Variants in TDRD6 observed in about 807,000 individuals in gnomAD.
TDRD6 encodes the protein tudor domain containing 6.
A neutral mutation model predicts 157.5 loss-of-function variants in TDRD6; 186 were observed. The observed-to-expected ratio is 1.18, with a 90% CI of 1.05 to 1.33. TDRD6 has a LOEUF of 1.33. Ranked by LOEUF, TDRD6 falls within the 40% of genes most tolerant of loss-of-function variation. TDRD6 has a pLI of 0.00. For missense variants in TDRD6, 3,066 were observed against 2,508.0 expected, an observed-to-expected ratio of 1.22 and a Z score of -4.75; for synonymous variants, 1,075 against 945.2, an observed-to-expected ratio of 1.14 and a Z score of -2.52.
At chr6:46,698,159 T>G (rs1764542610) in intron 3 of TDRD6, 72 bp downstream of exon 3, 1 of 1,151,624 alleles carries the variant, frequency 8.7e-7, no homozygotes, top group South Asian at 1.5e-5. Flanking sequence ...AACAAACTAT[T>G]TCCAAAGTCC....
At chr6:46,698,339 T>C (rs1466444202) in intron 3 of TDRD6, among the ~76,000 whole-genome samples, 1 of 152,152 alleles carries the variant, frequency 6.6e-6, no homozygotes, top group Non-Finnish European at 1.5e-5. Flanking sequence ...ATAAAATACA[T>C]ATTAGATGCA....
Position 46,688,773 on chromosome 6 carries a change from G to T in TDRD6, c.645G>T (p.Ala215=). 1 of 1,607,544 alleles carries T rather than the reference G, an allele frequency of 6.2e-7. No homozygotes were observed. The highest frequency in any genetic ancestry group is 8.5e-7 in the Non-Finnish European group (1 of 1,179,912). Residue 215 remains alanine (A), a synonymous_variant, in exon 1 of 4, where the codon GCG becomes GCT. Transcript: ENST00000316081. ...FRSLLERYLT[A]ATASVGSGVP... is the part of the protein sequence containing the mutation. The stretch of plus-strand genomic sequence containing the variant: ...CGCTGCTGGAGCGCTATCTCACAGC[G>T]GCCACTGCTAGCGTGGGCTCCGGGG...
intron 1 of TDRD6, among the ~76,000 whole-genome samples, chr6:46,695,437 T>G (rs913202823): frequency 9.9e-5 from 15 of 152,170 alleles, no homozygotes; most frequent in Admixed American, 9.8e-4. Context: ...TATTTAATAA[T>G]AGTATTAACT....
chr6:46,682,424 G>A, the TDRD6 span, among the ~76,000 whole-genome samples: 1 of 151,898 alleles, frequency 6.6e-6, no homozygotes, highest in Non-Finnish European at 1.5e-5. Context: ...CCTTAAATCA[G>A]GAACAAGGCA....
rs150300048 is a variant in TDRD6 at position 46,689,577 on chromosome 6, A to G, written c.1449A>G (p.Leu483=). The G allele has an allele frequency of 2.6e-4, 415 of 1,614,198 alleles. No individual in the cohort carries two copies. Among genetic ancestry groups the G allele is most frequent in the Non-Finnish European group, 3.3e-4 (385 of 1,180,046 alleles). ...TCCCAGCCTTAAGATCTATCAGGTTAAAGATGAATGCCTTCTACGATGCGC... is the reference window on the plus strand; with the variant it reads ...TCCCAGCCTTAAGATCTATCAGGTTGAAGATGAATGCCTTCTACGATGCGC... ...ISLPALRSIR[L]KMNAFYDAQV... Residue 483 remains leucine (L), a synonymous_variant, in exon 1 of 4, where the codon TTA becomes TTG. Coordinates refer to ENST00000316081, the MANE Select transcript of TDRD6 (RefSeq NM_001010870.3).
chr6:46,699,449 C>T (rs1290515923), intron 3 of TDRD6, among the ~76,000 whole-genome samples: 1 of 152,124 alleles, frequency 6.6e-6, no homozygotes, highest in Non-Finnish European at 1.5e-5. Context: ...GTTAGCCACC[C>T]TCAGGGCAGG....
intron 3 of TDRD6, 25 bp downstream of exon 3, chr6:46,698,112 TAGTG>T: frequency 2.0e-6 from 3 of 1,467,152 alleles, no homozygotes; most frequent in Non-Finnish European, 1.9e-6. Context: ...AAATAGTAAT[TAGTG>T]AGAGCATTGT....
Position 46,688,948 on chromosome 6 carries a change from C to T in TDRD6, c.820C>T (p.Gln274Ter). Residue 274 changes from glutamine to a stop codon, truncating the protein, a stop_gained, in exon 1 of 4, where the codon CAG (glutamine) becomes TAG (stop). Transcript: ENST00000316081. LOFTEE classifies it high-confidence loss of function. ...TCACTGCCAGCTCCGCAGCGTCTCG[C>T]AGGAGATCCACCGCCTCTCCGAGAG... The part of the protein sequence containing the change: ...RIHCQLRSVS[Q>*]EIHRLSESMA... 6.2e-7 allele frequency: 1 copy of T among 1,612,330 alleles called. No homozygotes were observed. The highest frequency in any genetic ancestry group is 8.5e-7 in the Non-Finnish European group (1 of 1,178,984).
Position 46,691,846 on chromosome 6 carries a change from C to A in TDRD6, c.3718C>A (p.Gln1240Lys). 1 of 1,600,060 alleles carries A rather than the reference C, an allele frequency of 6.2e-7. No individual in the cohort carries two copies. The highest frequency in any genetic ancestry group is 1.1e-5 in the South Asian group (1 of 88,280). ...AAAAACAAACTTAGTCACTCAATATCAAGACTCTGTGGGAAATAAAAATAG... is the reference window on the plus strand; with the variant it reads ...AAAAACAAACTTAGTCACTCAATATAAAGACTCTGTGGGAAATAAAAATAG... The part of the protein sequence containing the change: ...LTKTNLVTQY[Q>K]DSVGNKNSQV... Residue 1240 changes from glutamine to lysine, a missense_variant, in exon 1 of 4, where the codon CAA becomes AAA. Physicochemically the swap from Gln to Lys is moderately conservative, Grantham distance 53. Coordinates refer to ENST00000316081, the MANE Select transcript of TDRD6 (RefSeq NM_001010870.3).
In TDRD6 at chr6:46,693,023, T is replaced by C. The variant is rs1350621294; in HGVS notation, c.4895T>C (p.Phe1632Ser). The change falls in exon 1 of 4, where the codon TTT becomes TCT. Residue 1632 changes from phenylalanine (F) to serine (S), a missense_variant. Physicochemically the swap from Phe to Ser is radical, Grantham distance 155 (BLOSUM62 -2). Coordinates refer to ENST00000316081, the MANE Select transcript of TDRD6 (RefSeq NM_001010870.3). ...SELLSVPMQA[F>S]PCCLSGFNIS... ...CTTCTGTCGGTTCCCATGCAAGCCT[T>C]TCCATGTTGCCTCTCAGGGTTTAAC... 5.0e-6 allele frequency: 8 copies of C among 1,613,512 alleles called. No homozygotes were observed. The highest frequency in any genetic ancestry group is 6.8e-6 in the Non-Finnish European group (8 of 1,179,740).
Position 46,688,397 on chromosome 6 carries a change from A to C in TDRD6, c.269A>C (p.Gln90Pro). The C allele has an allele frequency of 6.5e-7, 1 of 1,537,524 alleles. No homozygotes were observed. The highest frequency in any genetic ancestry group is 8.7e-7 in the Non-Finnish European group (1 of 1,145,382). ...LWHRCRVVSR[Q>P]AQESRVFLLD... ...CACCGCTGCCGCGTGGTCAGCCGGC[A>C]GGCACAGGAGAGCCGTGTCTTCCTG... Residue 90 changes from glutamine to proline, a missense_variant, in exon 1 of 4, where the codon CAG (glutamine) becomes CCG (proline). Gln to Pro is a moderately conservative substitution (Grantham distance 76). Transcript: ENST00000316081.
rs1764247249 is a variant in TDRD6 at position 46,689,715 on chromosome 6, G to T, written c.1587G>T (p.Lys529Asn). Residue 529 changes from lysine to asparagine, a missense_variant, in exon 1 of 4, where the codon AAG becomes AAT. Physicochemically the swap from Lys to Asn is moderately conservative, Grantham distance 94. Transcript: ENST00000316081. ...GTGGTTTCTATTCCTCTGCCAGTAA[G>T]CTGGATGGTGTAGTTTTGAAACCTG... ...RMCGFYSSAS[K>N]LDGVVLKPEP... is the part of the protein sequence containing the mutation. The T allele has an allele frequency of 6.2e-7, 1 of 1,614,088 alleles. No individual in the cohort carries two copies. Among genetic ancestry groups the T allele is most frequent in the Non-Finnish European group, 8.5e-7 (1 of 1,180,042 alleles).
intron 3 of TDRD6, among the ~76,000 whole-genome samples, chr6:46,699,920 A>G (rs2150685253): frequency 6.6e-6 from 1 of 152,336 alleles, no homozygotes; most frequent in East Asian, 1.9e-4. Flanking sequence ...CTAGTGAGCC[A>G]TAATGTATTA....
rs142991890 is a variant in TDRD6, at chr6:46,688,744, C to T, written c.616C>T (p.Arg206Cys). 115 of 1,601,402 alleles carry T rather than the reference C, an allele frequency of 7.2e-5. No homozygotes were observed. The highest frequency in any genetic ancestry group is 2.7e-4 in the African/African-American group (20 of 74,932). Residue 206 changes from arginine to cysteine, a missense_variant, in exon 1 of 4, where the codon CGT (arginine) becomes TGT (cysteine). Transcript: ENST00000316081. The part of the protein sequence containing the change: ...LARRVPDSLF[R>C]SLLERYLTAA... ...TCGGCGGGTGCCCGACAGCCTCTTC[C>T]GTTCGCTGCTGGAGCGCTATCTCAC...
chr6:46,698,020 T>TG lies in TDRD6; in HGVS notation c.6196dup (p.Glu2066GlyfsTer7). On this transcript the variant is annotated frameshift_variant, in exon 3 of 4. Transcript: ENST00000316081. LOFTEE classifies it high-confidence loss of function. ...TAGGTTTTGAACCTTTCAAATGGTA[T>TG]GGAGGAGATAGTGAACCCTGAGAAT... The TG allele has an allele frequency of 6.2e-7, 1 of 1,610,320 alleles. No individual in the cohort carries two copies. Among genetic ancestry groups the TG allele is most frequent in the Non-Finnish European group, 8.5e-7 (1 of 1,177,594 alleles).
rs1187455067 is a variant in TDRD6, at chr6:46,689,725, G to C, written c.1597G>C (p.Val533Leu). 8.1e-6 allele frequency: 13 copies of C among 1,614,244 alleles called. No individual in the cohort carries two copies. Among genetic ancestry groups the C allele is most frequent in the Non-Finnish European group, 1.0e-5 (12 of 1,180,046 alleles). The change falls in exon 1 of 4, where the codon GTA becomes CTA. Residue 533 changes from valine (V) to leucine (L), a missense_variant. Transcript: ENST00000316081. ...TTCCTCTGCCAGTAAGCTGGATGGT[G>C]TAGTTTTGAAACCTGAACCTGATGA... ...FYSSASKLDG[V>L]VLKPEPDDLC...
intron 3 of TDRD6, among the ~76,000 whole-genome samples, chr6:46,699,487 A>T (rs577830768): frequency 6.6e-6 from 1 of 152,248 alleles, no homozygotes; most frequent in East Asian, 1.9e-4. Context: ...AAATAAACAT[A>T]ACACCACAAT....
rs1434751267 is a variant in TDRD6, at chr6:46,688,240, G to C, written c.112G>C (p.Glu38Gln). 1.3e-6 allele frequency: 2 copies of C among 1,521,266 alleles called. No homozygotes were observed. The highest frequency in any genetic ancestry group is 4.2e-5 in the Admixed American group (2 of 47,282). 94.2% of individuals were successfully genotyped at this position (1,521,266 alleles called of 1,614,324 possible). Residue 38 changes from glutamate (E) to glutamine (Q), a missense_variant, in exon 1 of 4, where the codon GAG becomes CAG. Physicochemically the swap from Glu to Gln is conservative, Grantham distance 29. Transcript: ENST00000316081. ...IPVQLWGLVGERRGEYLRLSR... is the reference protein window; with the variant it reads ...IPVQLWGLVGQRRGEYLRLSR... The stretch of plus-strand genomic sequence containing the variant: ...GGTGCAGCTGTGGGGGCTGGTGGGC[G>C]AGCGGCGGGGCGAGTACCTGCGGCT...
At position 46,690,795 on chromosome 6, in the gene TDRD6, A is replaced by T; in HGVS notation, c.2667A>T (p.Gln889His). The change falls in exon 1 of 4, where the codon CAA (glutamine) becomes CAT (histidine). Residue 889 changes from glutamine (Q) to histidine (H), a missense_variant. Transcript: ENST00000316081. ...GGTGCAGTCTTTATAATTTAATTCA[A>T]CCAGTTGGCCAGAATCCCTTTGTTT... is the stretch of plus-strand genomic sequence containing the variant. ...AFRCSLYNLI[Q>H]PVGQNPFVWD... 6.2e-7 allele frequency: 1 copy of T among 1,614,124 alleles called. No homozygotes were observed. Among genetic ancestry groups the T allele is most frequent in the South Asian group, 1.1e-5 (1 of 91,080 alleles).
Sources: gnomAD v4.1 joint callset for allele counts (sites outside exome capture counted in the v4.1 genomes callset) on GRCh38, gnomAD v4.1.1 for gene constraint, MANE v1.5 for transcripts, NCBI Gene and HGNC (gene_info 2026-07-23, HGNC 2026-07-21) for gene names.